PTPRQ: variants seen among roughly 807,000 people sequenced by gnomAD.
The protein encoded by PTPRQ is protein tyrosine phosphatase receptor type Q.
A neutral mutation model predicts 246.0 loss-of-function variants in PTPRQ; 199 were observed. The ratio of observed to expected loss-of-function variants is 0.81; its 90% CI spans 0.72 to 0.91. The LOEUF is 0.91. PTPRQ is among the 40% of genes least tolerant of loss of function. PTPRQ has a pLI of 0.00. For synonymous variants in PTPRQ, 869 were observed against 853.2 expected (o/e 1.02, Z -0.32); for missense variants, 2,624 against 2,528.4 (o/e 1.04, Z -0.81).
chr12:80,542,716 G>T lies in PTPRQ; in HGVS notation c.3722-14G>T. 6.6e-7 allele frequency: 1 copy of T among 1,524,766 alleles called. No homozygotes were observed. The allele number at this position is 1,524,766 out of a possible 1,614,324, so 94.5% of individuals were successfully genotyped here. A position where few individuals can be genotyped will look rare whatever the true frequency, so the allele number is the denominator to read the frequency against. On this transcript the variant is annotated splice_polypyrimidine_tract_variant and intron_variant, in intron 22 of 44. Transcript: ENST00000644991. The stretch of plus-strand genomic sequence containing the variant: ...GTTTTATGAATGTAAGTTTCTTCAT[G>T]TGTTTTCCTACAGTGCCGTTAGCAC...
chr12:80,568,547 G>C (rs915947582), intron 25 of PTPRQ, among the ~76,000 whole-genome samples: 1 of 152,080 alleles, frequency 6.6e-6, no homozygotes, highest in Non-Finnish European at 1.5e-5. Flanking sequence ...AGTTGTCTTG[G>C]CTGCATATGT....
chr12:80,633,753 C>T (rs1899531677), intron 34 of PTPRQ, among the ~76,000 whole-genome samples: 1 of 152,188 alleles, frequency 6.6e-6, no homozygotes, highest in African/African-American at 2.4e-5. Context: ...ATTCGAGGCA[C>T]TTTGAATGCT....
intron 25 of PTPRQ, among the ~76,000 whole-genome samples, chr12:80,556,495 G>T (rs1896649446): frequency 6.6e-6 from 1 of 152,156 alleles, no homozygotes. Flanking sequence ...GCACATATTT[G>T]TCTTGAACCT....
In PTPRQ at chr12:80,493,271, A is replaced by G. The variant is rs1894505915; in HGVS notation, c.1360-4A>G. ...TCTTTTAAAATATCTACTTTTAATTACAGTATATAAATGACCCCATGGCTC... is the reference window on the plus strand; with the variant it reads ...TCTTTTAAAATATCTACTTTTAATTGCAGTATATAAATGACCCCATGGCTC... On this transcript the variant is annotated splice_polypyrimidine_tract_variant and splice_region_variant and intron_variant, in intron 9 of 44. Coordinates refer to ENST00000644991, the MANE Select transcript of PTPRQ (RefSeq NM_001145026.2). The G allele has an allele frequency of 1.4e-6, 2 of 1,457,526 alleles. No homozygotes were observed. The highest frequency in any genetic ancestry group is 1.5e-5 in the South Asian group (1 of 66,148). The allele number at this position is 1,457,526 out of a possible 1,614,324, so 90.3% of individuals were successfully genotyped here.
intron 14 of PTPRQ, 112 bp from the exon 15 acceptor site, chr12:80,505,912 A>G: frequency 8.5e-7 from 1 of 1,177,066 alleles, no homozygotes; most frequent in Non-Finnish European, 1.1e-6. Flanking sequence ...TTACGATTAC[A>G]TTCTAGTGAA....
rs1555197999 is a variant in PTPRQ at position 80,558,119 on chromosome 12, C to CTTTCTTTCTTTTCTTTTCTTTTCT, written c.4285+8392_4285+8393insCTTTTCTTTTCTTTTCTTTTCTTT. The stretch of plus-strand genomic sequence containing the variant: ...CCCTCCTTTCTTCTTTCTTTTCTTT[C>CTTTCTTTCTTTTCTTTTCTTTTCT]TTTCTTTTCTTTTCTTTTCTTTTCT... On this transcript the variant is annotated intron_variant, in intron 25 of 44. Coordinates refer to ENST00000644991, the MANE Select transcript of PTPRQ (RefSeq NM_001145026.2). 1.1e-4 allele frequency among the ~76,000 whole-genome samples: 11 copies of CTTTCTTTCTTTTCTTTTCTTTTCT among 95,662 alleles called. No homozygotes were observed. In the East Asian group the frequency reaches 2.6e-3, roughly 23 times the overall value. 62.8% of individuals were successfully genotyped at this position (95,662 alleles called of 152,430 possible). A position where few individuals can be genotyped will look rare whatever the true frequency, so the allele number is the denominator to read the frequency against.
At chr12:80,446,297 A>G (rs1892551335) in intron 3 of PTPRQ, among the ~76,000 whole-genome samples, 1 of 150,930 alleles carries the variant, frequency 6.6e-6, no homozygotes, top group Non-Finnish European at 1.5e-5. Flanking sequence ...GCAGGACTGG[A>G]TTTTGTAAAC....
chr12:80,560,657 A>C (rs2120916335), intron 25 of PTPRQ, among the ~76,000 whole-genome samples: 1 of 152,346 alleles, frequency 6.6e-6, no homozygotes, highest in East Asian at 1.9e-4. Flanking sequence ...ACATACATAC[A>C]ACACAGATAC....
chr12:80,601,371 G>A (rs1378358340), intron 26 of PTPRQ, among the ~76,000 whole-genome samples: 2 of 151,674 alleles, frequency 1.3e-5, no homozygotes, highest in East Asian at 3.9e-4. Flanking sequence ...TAAATGAAAA[G>A]GGTTAAACAG....
chr12:80,568,207 C>CA (rs1326872671), intron 25 of PTPRQ, among the ~76,000 whole-genome samples: 2 of 151,906 alleles, frequency 1.3e-5, no homozygotes, highest in Admixed American at 1.3e-4. Flanking sequence ...TATGTGAAAA[C>CA]AAAAAATTAT....
At chr12:80,473,442 A>G (rs1265507047) in intron 8 of PTPRQ, among the ~76,000 whole-genome samples, 1 of 152,222 alleles carries the variant, frequency 6.6e-6, no homozygotes, top group Non-Finnish European at 1.5e-5. Flanking sequence ...GACACTATCA[A>G]ATAAAGCAGA....
At chr12:80,552,237 G>A (rs1372668900) in intron 25 of PTPRQ, among the ~76,000 whole-genome samples, 3 of 151,990 alleles carry the variant, frequency 2.0e-5, no homozygotes, top group African/African-American at 7.2e-5. Context: ...CCCAGTGGGT[G>A]GCCAGCACAT....
At chr12:80,545,629 T>A (rs1896279390) in intron 23 of PTPRQ, among the ~76,000 whole-genome samples, 1 of 151,726 alleles carries the variant, frequency 6.6e-6, no homozygotes, top group Non-Finnish European at 1.5e-5. Context: ...GCAACTATGA[T>A]ACTCTTTTGT....
chr12:80,578,070 A>G lies in PTPRQ; in HGVS notation c.4286-10059A>G, dbSNP rs148793024. ...AAATTTTTTTTTTTGGATTTTTTTA[A>G]TTTTTATTTTTTATTATACTTTAAG... On this transcript the variant is annotated intron_variant, in intron 25 of 44. Transcript: ENST00000644991. Among the ~76,000 whole-genome samples the G allele has an allele frequency of 6.7e-3, 1,017 of 151,852 alleles. 12 individuals carry two copies. Among genetic ancestry groups the G allele is most frequent in the African/African-American group, 0.023 (968 of 41,392 alleles).
At chr12:80,520,549 C>T (rs1252063705) in intron 17 of PTPRQ, among the ~76,000 whole-genome samples, 2 of 131,858 alleles carry the variant, frequency 1.5e-5, no homozygotes, top group African/African-American at 2.8e-5. Context: ...TGTGATGTTC[C>T]CCTTCCTGTG....
At chr12:80,452,655 G>A (rs568592195) in intron 3 of PTPRQ, among the ~76,000 whole-genome samples, 23 of 152,202 alleles carry the variant, frequency 1.5e-4, no homozygotes, top group South Asian at 1.0e-3. Flanking sequence ...GAAATTCTGG[G>A]TTGCAAATTC....
intron 9 of PTPRQ, among the ~76,000 whole-genome samples, chr12:80,491,623 G>T (rs373591953): frequency 6.6e-6 from 1 of 151,958 alleles, no homozygotes; most frequent in African/African-American, 2.4e-5. Flanking sequence ...ATTGCATTTT[G>T]TAAATATTTG....
intron 39 of PTPRQ, among the ~76,000 whole-genome samples, chr12:80,667,548 T>A (rs905461381): frequency 2.0e-5 from 3 of 151,854 alleles, no homozygotes; most frequent in Non-Finnish European, 4.4e-5. Context: ...TTTCTCCTAA[T>A]GATAAAATAA....
intron 3 of PTPRQ, among the ~76,000 whole-genome samples, chr12:80,449,633 A>C (rs902191248): frequency 6.6e-6 from 1 of 151,562 alleles, no homozygotes; most frequent in African/African-American, 2.4e-5. Context: ...TAAATAGGGA[A>C]TCCCTTCCCC....
Sources: gnomAD v4.1 joint callset for allele counts (sites outside exome capture counted in the v4.1 genomes callset) on GRCh38, gnomAD v4.1.1 for gene constraint, MANE v1.5 for transcripts, NCBI Gene and HGNC (gene_info 2026-07-23, HGNC 2026-07-21) for gene names.